C4orf51: variants seen among roughly 807,000 people sequenced by gnomAD.
C4orf51 encodes chromosome 4 open reading frame 51.
Under a neutral mutation model 25.2 loss-of-function variants are expected in C4orf51, and 25 were observed. That is an observed-to-expected ratio of 0.99 (90% CI 0.72 to 1.39). The LOEUF is 1.39. Among genes scored for constraint, C4orf51 ranks in the 40% most tolerant of loss-of-function variants. The pLI, the probability that C4orf51 is intolerant of heterozygous loss-of-function variation, is 0.00. For synonymous variants in C4orf51, 100 were observed against 84.5 expected, an observed-to-expected ratio of 1.18 and a Z score of -1.01; for missense variants, 252 against 239.6, an observed-to-expected ratio of 1.05 and a Z score of -0.34.
At chr4:145,783,654 G>A in the C4orf51 span, among the ~76,000 whole-genome samples, 1 of 152,220 alleles carries the variant, frequency 6.6e-6, no homozygotes, top group African/African-American at 2.4e-5. Context: ...GTTCTGAGAA[G>A]GCTTTTGCTT....
chr4:145,718,362 C>T (rs1731531657), intron 2 of C4orf51, among the ~76,000 whole-genome samples: 1 of 152,234 alleles, frequency 6.6e-6, no homozygotes, highest in African/African-American at 2.4e-5. Context: ...ACAAGGACGG[C>T]AGTGCCTAGG....
At chr4:145,703,256 T>C (rs1192796326) in intron 2 of C4orf51, among the ~76,000 whole-genome samples, 27 of 149,624 alleles carry the variant, frequency 1.8e-4, no homozygotes, top group South Asian at 6.5e-4. Flanking sequence ...GAAAGTCCTT[T>C]TCCTGGCTCA....
intron 2 of C4orf51, among the ~76,000 whole-genome samples, chr4:145,719,968 TGTGA>T (rs756862653): frequency 2.0e-4 from 30 of 152,236 alleles, no homozygotes; most frequent in Non-Finnish European, 3.5e-4. Context: ...TTCTTAGCAA[TGTGA>T]GTATCTCGTG....
At chr4:145,749,989 A>G (rs924118752) in intron 1 of C4orf51, among the ~76,000 whole-genome samples, 5 of 152,184 alleles carry the variant, frequency 3.3e-5, no homozygotes, top group African/African-American at 1.2e-4. Flanking sequence ...AAAAAATCAA[A>G]CAAGCAAACA....
At chr4:145,720,825 C>T (rs929649608) in intron 2 of C4orf51, among the ~76,000 whole-genome samples, 10 of 152,188 alleles carry the variant, frequency 6.6e-5, no homozygotes, top group African/African-American at 2.4e-4. Flanking sequence ...GCTGCTCCCT[C>T]ACCTAATCAC....
intron 1 of C4orf51, among the ~76,000 whole-genome samples, chr4:145,752,759 A>G (rs540804353): frequency 8.5e-5 from 13 of 152,270 alleles, no homozygotes; most frequent in African/African-American, 3.1e-4. Flanking sequence ...GAGTTTATTT[A>G]GGATTTCTGA....
chr4:145,729,792 C>T lies in C4orf51; in HGVS notation c.428-100C>T. On this transcript the variant is annotated intron_variant, in intron 4 of 5. Coordinates refer to ENST00000438731, the MANE Select transcript of C4orf51 (RefSeq NM_001080531.3). ...GGGCTGTGTATGTGAAGGTTTGGAT[C>T]TATTGATTTAAAACAAGGTTTGGGA... 10 of 933,724 alleles carry T rather than the reference C, an allele frequency of 1.1e-5. No individual in the cohort carries two copies. The South Asian group carries it at 1.4e-4, about 13-fold the overall frequency. The allele number at this position is 933,724 out of a possible 1,614,324, so 57.8% of individuals were successfully genotyped here. A position where few individuals can be genotyped will look rare whatever the true frequency, so the allele number is the denominator to read the frequency against.
chr4:145,701,299 A>T (rs1297455301), intron 2 of C4orf51, among the ~76,000 whole-genome samples: 4 of 152,020 alleles, frequency 2.6e-5, no homozygotes. Context: ...TCTCCAGCAC[A>T]CAAGAACTTC....
chr4:145,728,680 A>C (rs1253865209), intron 3 of C4orf51, among the ~76,000 whole-genome samples: 1 of 152,234 alleles, frequency 6.6e-6, no homozygotes, highest in Non-Finnish European at 1.5e-5. Flanking sequence ...AACTAATGCT[A>C]GAATGGAGCT....
chr4:145,767,678 A>C (rs1236802290), intron 1 of C4orf51, among the ~76,000 whole-genome samples: 1 of 152,264 alleles, frequency 6.6e-6, no homozygotes, highest in Non-Finnish European at 1.5e-5. Context: ...TTCTCACTGG[A>C]CACTATGCAA....
chr4:145,684,414 G>A (rs977169842), intron 1 of C4orf51, among the ~76,000 whole-genome samples: 9 of 152,168 alleles, frequency 5.9e-5, no homozygotes, highest in African/African-American at 1.2e-4. Flanking sequence ...CCCAGGAGGC[G>A]GAGCTTGCAG....
At chr4:145,722,460 A>G (rs982683261) in intron 2 of C4orf51, among the ~76,000 whole-genome samples, 1 of 152,206 alleles carries the variant, frequency 6.6e-6, no homozygotes, top group Non-Finnish European at 1.5e-5. Context: ...AGCTGATCAG[A>G]AAAAAAGAAA....
chr4:145,765,661 T>C lies in C4orf51; in HGVS notation n.167-5327T>C. The C allele has an allele frequency of 6.2e-7, 1 of 1,614,182 alleles. No homozygotes were observed. The highest frequency in any genetic ancestry group is 1.1e-5 in the South Asian group (1 of 91,080). ...TGGGAGCCATCTGAATCATCTTTGCTGTTGGCTGAATCACTCAGAGCTGAG... is the reference window on the plus strand; with the variant it reads ...TGGGAGCCATCTGAATCATCTTTGCCGTTGGCTGAATCACTCAGAGCTGAG... On this transcript the variant is annotated intron_variant and non_coding_transcript_variant, in intron 1 of 1. Transcript: ENST00000510096. This position sits in a 1 kb window ranked among gnomAD's most constrained non-coding sequence, Gnocchi z 4.7.
intron 2 of C4orf51, among the ~76,000 whole-genome samples, chr4:145,722,652 C>T (rs1731802805): frequency 6.6e-6 from 1 of 152,088 alleles, no homozygotes. Context: ...GCTCTGGGAC[C>T]TATCTTCAGA....
intron 2 of C4orf51, among the ~76,000 whole-genome samples, chr4:145,709,219 C>A (rs573273409): frequency 4.9e-4 from 74 of 151,608 alleles, no homozygotes; most frequent in African/African-American, 1.5e-3. Flanking sequence ...GGTTCTAACT[C>A]AAAAAAAAGC....
At chr4:145,733,500 A>G (rs1006566177), downstream of C4orf51, among the ~76,000 whole-genome samples, 1 of 152,166 alleles carries the variant, frequency 6.6e-6, no homozygotes, top group Non-Finnish European at 1.5e-5. Flanking sequence ...TTGGTTTACT[A>G]AAGTAGCCGC....
At chr4:145,788,464 A>G in the C4orf51 span, among the ~76,000 whole-genome samples, 1 of 152,230 alleles carries the variant, frequency 6.6e-6, no homozygotes, top group Non-Finnish European at 1.5e-5. Flanking sequence ...TCATTTTAAG[A>G]AAACTATATA....
At chr4:145,725,230 C>T (rs1338358143) in intron 2 of C4orf51, among the ~76,000 whole-genome samples, 1 of 151,362 alleles carries the variant, frequency 6.6e-6, no homozygotes, top group Non-Finnish European at 1.5e-5. Context: ...AGAAAAAAAC[C>T]ATAATGAGTT....
intron 3 of C4orf51, among the ~76,000 whole-genome samples, chr4:145,727,392 C>A (rs939467340): frequency 1.3e-5 from 2 of 152,148 alleles, no homozygotes; most frequent in Admixed American, 6.5e-5. Context: ...TCTCTCTATA[C>A]TTATGTATAC....
Sources: allele counts gnomAD v4.1 joint callset (sites outside exome capture counted in the v4.1 genomes callset), GRCh38; gene constraint gnomAD v4.1.1; non-coding constraint Gnocchi (gnomAD v3.1); transcripts MANE v1.5; gene names NCBI Gene and HGNC (gene_info 2026-07-23, HGNC 2026-07-21).